Variants in EBF2 observed in about 807,000 individuals in gnomAD.
EBF2 encodes transcription factor COE2.
Under a neutral mutation model 72.8 loss-of-function variants are expected in EBF2, and 21 were observed. That is an observed-to-expected ratio of 0.29 (90% CI 0.20 to 0.42). EBF2 has a LOEUF of 0.42. EBF2 is among the 10% of genes least tolerant of loss of function. The pLI is 1.00. For synonymous variants in EBF2, 299 were observed against 274.2 expected (o/e 1.09, Z -0.89); for missense variants, 637 against 731.2 (o/e 0.87, Z 1.49).
intron 7 of EBF2, among the ~76,000 whole-genome samples, chr8:25,896,977 C>T (rs977808772): frequency 6.6e-6 from 1 of 152,164 alleles, no homozygotes; most frequent in Non-Finnish European, 1.5e-5. Context: ...CCTTTAAACA[C>T]CTACCCCACA....
intron 6 of EBF2, among the ~76,000 whole-genome samples, chr8:25,940,948 G>A (rs183448340): frequency 2.9e-4 from 44 of 152,218 alleles, no homozygotes; most frequent in Non-Finnish European, 5.3e-4. Flanking sequence ...GCTGACAGCA[G>A]GGATTATTTT....
intron 6 of EBF2, among the ~76,000 whole-genome samples, chr8:26,010,802 A>C (rs1367100437): frequency 6.6e-6 from 1 of 152,214 alleles, no homozygotes; most frequent in Non-Finnish European, 1.5e-5. Flanking sequence ...CTGCAGATAC[A>C]TCAGACCCAA....
At chr8:25,861,830 A>G (rs1026458837) in intron 11 of EBF2, among the ~76,000 whole-genome samples, 5 of 152,218 alleles carry the variant, frequency 3.3e-5, no homozygotes, top group African/African-American at 1.2e-4. Context: ...GCAAAATTTT[A>G]TTCTAATAAA....
intron 3 of EBF2, 123 bp downstream of exon 3, chr8:26,040,816 A>C: frequency 6.7e-7 from 1 of 1,501,446 alleles, no homozygotes; most frequent in South Asian, 1.2e-5. Flanking sequence ...CCCCTGTCCC[A>C]GGCAAGCCTC....
intron 6 of EBF2, among the ~76,000 whole-genome samples, chr8:26,020,677 G>A (rs898236433): frequency 1.3e-5 from 2 of 152,138 alleles, no homozygotes; most frequent in African/African-American, 4.8e-5. Context: ...ACAAGTAGAG[G>A]AAGCAGGGGT....
chr8:26,010,818 G>A (rs759941868), intron 6 of EBF2, among the ~76,000 whole-genome samples: 8 of 152,092 alleles, frequency 5.3e-5, no homozygotes, highest in African/African-American at 1.4e-4. Context: ...CCCAAAGAGC[G>A]GCTCTTTCTG....
chr8:25,956,244 C>A (rs1011011467), intron 6 of EBF2, among the ~76,000 whole-genome samples: 6 of 152,028 alleles, frequency 3.9e-5, no homozygotes, highest in African/African-American at 1.4e-4. Flanking sequence ...CATGGAGAAA[C>A]CCCGTCTCTA....
intron 6 of EBF2, among the ~76,000 whole-genome samples, chr8:26,009,807 C>G (rs1372357003): frequency 6.6e-6 from 1 of 152,324 alleles, no homozygotes; most frequent in East Asian, 1.9e-4. Flanking sequence ...AATTCAGTGA[C>G]TGGCTTCATT....
At position 25,935,043 on chromosome 8, in the gene EBF2, G is replaced by C. The variant is rs576593693; in HGVS notation, c.552-26488C>G. ...TCGCCAGGAGTGTGGGTGGGCAGCG[G>C]GCAGGATCCCAACGCGACAACTAGA... On this transcript the variant is annotated intron_variant, in intron 6 of 15. Coordinates refer to ENST00000520164, the MANE Select transcript of EBF2 (RefSeq NM_022659.4). Among the ~76,000 whole-genome samples the C allele has an allele frequency of 2.0e-5, 3 of 152,236 alleles. No homozygotes were observed. The South Asian group carries it at 6.2e-4, about 32-fold the overall frequency.
chr8:25,987,046 A>C (rs1283416298), intron 6 of EBF2, among the ~76,000 whole-genome samples: 1 of 121,462 alleles, frequency 8.2e-6, no homozygotes. Flanking sequence ...TTACCCTGGA[A>C]TTAAAAAAAA....
intron 6 of EBF2, among the ~76,000 whole-genome samples, chr8:26,013,078 T>C (rs894639992): frequency 1.3e-5 from 2 of 152,082 alleles, no homozygotes; most frequent in African/African-American, 4.8e-5. Flanking sequence ...GAAAATTAAG[T>C]CTGGAAGGGG....
At chr8:25,923,382 C>T (rs958364438) in intron 6 of EBF2, among the ~76,000 whole-genome samples, 1 of 152,178 alleles carries the variant, frequency 6.6e-6, no homozygotes, top group African/African-American at 2.4e-5. Flanking sequence ...TAGAACTCTG[C>T]CTTGAATTAA....
At chr8:25,947,879 G>A (rs1397802212) in intron 6 of EBF2, among the ~76,000 whole-genome samples, 2 of 152,220 alleles carry the variant, frequency 1.3e-5, no homozygotes, top group Admixed American at 1.3e-4. Context: ...ATTCGGGGCA[G>A]ACCTTGATAA....
In EBF2 at chr8:26,010,803, T is replaced by C. The variant is rs1804968384; in HGVS notation, c.551+22282A>G. On this transcript the variant is annotated intron_variant, in intron 6 of 15. Transcript: ENST00000520164. ...ACATTCCCTGATGCCTGCAGATACA[T>C]CAGACCCAAAGAGCGGCTCTTTCTG... Among the ~76,000 whole-genome samples, 5 of 152,182 alleles carry C rather than the reference T, an allele frequency of 3.3e-5. No individual in the cohort carries two copies. The South Asian group carries it at 1.0e-3, about 32-fold the overall frequency.
chr8:25,908,905 TGCTCCAGG>T (rs1177016264), intron 6 of EBF2, among the ~76,000 whole-genome samples: 2 of 152,146 alleles, frequency 1.3e-5, no homozygotes, highest in Non-Finnish European at 2.9e-5. Flanking sequence ...CAGAAAGTCT[TGCTCCAGG>T]GTTAAAAATG....
intron 6 of EBF2, among the ~76,000 whole-genome samples, chr8:25,914,341 AT>A (rs1253427742): frequency 6.6e-6 from 1 of 152,076 alleles, no homozygotes; most frequent in Non-Finnish European, 1.5e-5. Context: ...CTCCTTCAAG[AT>A]CCCCCAGCAG....
At chr8:25,908,247 G>C (rs977892990) in intron 7 of EBF2, among the ~76,000 whole-genome samples, 1 of 152,158 alleles carries the variant, frequency 6.6e-6, no homozygotes, top group African/African-American at 2.4e-5. Context: ...GCACCGGTTG[G>C]TGCCTCTCCC....
At chr8:26,018,254 G>C (rs539519971) in intron 6 of EBF2, among the ~76,000 whole-genome samples, 342 of 151,626 alleles carry the variant, frequency 2.3e-3, no homozygotes, top group Admixed American at 2.6e-3. Flanking sequence ...TGGAAGATGG[G>C]AGCCAGAGGG....
intron 7 of EBF2, among the ~76,000 whole-genome samples, chr8:25,892,470 G>A (rs1222558338): frequency 6.6e-6 from 1 of 152,104 alleles, no homozygotes; most frequent in Middle Eastern, 3.2e-3. Context: ...TTTACACTGT[G>A]ATCAAGAAGT....
Sources: gnomAD v4.1 joint callset for allele counts (sites outside exome capture counted in the v4.1 genomes callset) on GRCh38, gnomAD v4.1.1 for gene constraint, MANE v1.5 for transcripts, NCBI Gene and HGNC (gene_info 2026-07-23, HGNC 2026-07-21) for gene names.